NINL: variants seen among roughly 807,000 people sequenced by gnomAD.
NINL encodes the protein ninein-like protein.
Under a neutral mutation model 160.3 loss-of-function variants are expected in NINL, and 153 were observed. The ratio of observed to expected loss-of-function variants is 0.95; its 90% CI spans 0.84 to 1.09. NINL has a LOEUF of 1.09. Among genes scored for constraint, NINL ranks in the 50% least tolerant of loss-of-function variants. The probability of loss-of-function intolerance (pLI) is 0.00; values close to 1 mark genes in which losing one functional copy is unlikely to be tolerated. For synonymous variants in NINL, 800 were observed against 734.8 expected (o/e 1.09, Z -1.43); for missense variants, 1,829 against 1,764.0 (o/e 1.04, Z -0.66).
chr20:25,583,534 A>G (rs1383205856), intron 1 of NINL, among the ~76,000 whole-genome samples: 4 of 152,196 alleles, frequency 2.6e-5, no homozygotes, highest in Non-Finnish European at 4.4e-5. Context: ...TGGGAGTGTA[A>G]ATTAGTTCAA....
At chr20:25,535,547 T>A (rs1315913945) in intron 1 of NINL, among the ~76,000 whole-genome samples, 1 of 152,146 alleles carries the variant, frequency 6.6e-6, no homozygotes, top group African/African-American at 2.4e-5. Flanking sequence ...TATACCTTCA[T>A]AAACTGGGGT....
chr20:25,567,264 G>A (rs1490704662), intron 1 of NINL, among the ~76,000 whole-genome samples: 1 of 152,160 alleles, frequency 6.6e-6, no homozygotes, highest in Non-Finnish European at 1.5e-5. Flanking sequence ...AGTGGAGGAA[G>A]AACAGAATCT....
chr20:25,484,372 G>A (rs1018737841), intron 13 of NINL, among the ~76,000 whole-genome samples: 3 of 152,162 alleles, frequency 2.0e-5, no homozygotes, highest in African/African-American at 7.2e-5. Flanking sequence ...CAGGCACCCA[G>A]ATCCTGTCTC....
chr20:25,515,247 G>C (rs1006031932), intron 3 of NINL, among the ~76,000 whole-genome samples: 1 of 152,214 alleles, frequency 6.6e-6, no homozygotes, highest in African/African-American at 2.4e-5. Flanking sequence ...TGGAGTCAAA[G>C]GAAATTATTT....
intron 1 of NINL, among the ~76,000 whole-genome samples, chr20:25,579,282 T>G (rs1026038876): frequency 6.6e-6 from 1 of 152,158 alleles, no homozygotes; most frequent in African/African-American, 2.4e-5. Context: ...TCGCACTCTC[T>G]GTGTGTGAGA....
At chr20:25,537,659 G>A (rs1263232989) in intron 1 of NINL, among the ~76,000 whole-genome samples, 2 of 152,190 alleles carry the variant, frequency 1.3e-5, no homozygotes, top group East Asian at 1.9e-4. Context: ...TGTGGGTGAC[G>A]GGGATGCGTC....
intron 1 of NINL, among the ~76,000 whole-genome samples, chr20:25,577,220 T>C (rs1029362846): frequency 2.0e-5 from 3 of 152,018 alleles, no homozygotes; most frequent in African/African-American, 7.2e-5. Flanking sequence ...CCCTCTGGAG[T>C]CCCTGCTGGT....
intron 10 of NINL, among the ~76,000 whole-genome samples, chr20:25,493,547 C>T (rs2063683766): frequency 6.6e-6 from 1 of 152,206 alleles, no homozygotes; most frequent in Non-Finnish European, 1.5e-5. Flanking sequence ...ATTGTCTCCT[C>T]TGGAGATCCA....
At chr20:25,461,337 A>G (rs2062780477) in intron 21 of NINL, among the ~76,000 whole-genome samples, 185 bp downstream of exon 21, 1 of 152,180 alleles carries the variant, frequency 6.6e-6, no homozygotes, top group Non-Finnish European at 1.5e-5. Flanking sequence ...GGGCTTGCTG[A>G]CAGTCAAACC....
At chr20:25,485,545 G>C (rs995021020) in intron 13 of NINL, among the ~76,000 whole-genome samples, 1 of 152,160 alleles carries the variant, frequency 6.6e-6, no homozygotes, top group Non-Finnish European at 1.5e-5. Context: ...ATGTTGTTTA[G>C]CATCTTTATG....
In NINL at chr20:25,476,470, G is replaced by T; in HGVS notation, c.2821C>A (p.Leu941Met). Reference protein sequence around the residue: ...AGLEQPGARELPLLGTERDAS... With the variant: ...AGLEQPGAREMPLLGTERDAS... Reference sequence around the variant, plus strand: ...TCTCTCTCTGTTCCCAGCAGAGGCAGCTCCCGGGCTCCAGGCTGCTCCAGC... The same window carrying T: ...TCTCTCTCTGTTCCCAGCAGAGGCATCTCCCGGGCTCCAGGCTGCTCCAGC... Residue 941 changes from leucine (L) to methionine (M), a missense_variant, in exon 17 of 24, where the codon CTG becomes ATG. By Grantham distance (15) the Leu-to-Met change is conservative. Transcript: ENST00000278886. 1 of 1,606,572 alleles carries T rather than the reference G, an allele frequency of 6.2e-7. No individual in the cohort carries two copies.
At chr20:25,458,557 G>T in intron 21 of NINL, 28 bp from the exon 22 acceptor site, 1 of 1,545,594 alleles carries the variant, frequency 6.5e-7, no homozygotes, top group East Asian at 2.3e-5. Context: ...GACAGCTCTG[G>T]TGGGGCTGCT....
chr20:25,511,161 C>T (rs749434702), intron 4 of NINL, among the ~76,000 whole-genome samples: 9 of 152,220 alleles, frequency 5.9e-5, no homozygotes, highest in Non-Finnish European at 8.8e-5. Context: ...AGTCTCAGGA[C>T]ACGCTCGCCA....
rs1199213252 is a variant in NINL at position 25,452,810 on chromosome 20, A to G, written c.*641T>C. 2 of 127,898 alleles carry G rather than the reference A, an allele frequency of 1.6e-5. No individual in the cohort carries two copies. The highest frequency in any genetic ancestry group is 3.3e-5 in the Non-Finnish European group (2 of 60,002). 7.9% of individuals were successfully genotyped at this position (127,898 alleles called of 1,614,324 possible). On this transcript the variant is annotated 3_prime_UTR_variant, in exon 24 of 24. Coordinates refer to ENST00000278886, the MANE Select transcript of NINL (RefSeq NM_025176.6). ...GCATACATTTCAAATATAAAACTATACTTTTTTTTTTTTTTACATATAGTA... is the reference window on the plus strand; with the variant it reads ...GCATACATTTCAAATATAAAACTATGCTTTTTTTTTTTTTTACATATAGTA...
At chr20:25,519,445 T>G (rs2064223513) in intron 2 of NINL, among the ~76,000 whole-genome samples, 1 of 152,246 alleles carries the variant, frequency 6.6e-6, no homozygotes, top group Non-Finnish European at 1.5e-5. Context: ...TTAAAATACA[T>G]CTTTAGAACT....
At chr20:25,524,772 T>C (rs372202855) in intron 2 of NINL, among the ~76,000 whole-genome samples, 7 of 152,182 alleles carry the variant, frequency 4.6e-5, no homozygotes, top group African/African-American at 1.7e-4. Context: ...ACGTGGCTTA[T>C]TCAATCAGCA....
intron 17 of NINL, among the ~76,000 whole-genome samples, chr20:25,473,667 TACACACATACACACAC>T (rs1170188296): frequency 1.2e-5 from 1 of 85,756 alleles, no homozygotes; most frequent in Non-Finnish European, 2.3e-5. Flanking sequence ...GTAGTAAAAA[TACACACATACACACAC>T]ACACACACAC....
At chr20:25,472,335 A>ATATATATATG (rs1568859617) in intron 17 of NINL, among the ~76,000 whole-genome samples, 2 of 39,242 alleles carry the variant, frequency 5.1e-5, no homozygotes, top group African/African-American at 2.1e-4. Flanking sequence ...ATATATATAT[A>ATATATATATG]TATATATATA....
At chr20:25,487,560 T>C (rs2146644716) in intron 13 of NINL, among the ~76,000 whole-genome samples, 1 of 152,286 alleles carries the variant, frequency 6.6e-6, no homozygotes, top group Admixed American at 6.5e-5. Context: ...TATGCCAGGA[T>C]GTAAGAGGGG....
Sources: gnomAD v4.1 joint callset for allele counts (sites outside exome capture counted in the v4.1 genomes callset) on GRCh38, gnomAD v4.1.1 for gene constraint, MANE v1.5 for transcripts, NCBI Gene and HGNC (gene_info 2026-07-23, HGNC 2026-07-21) for gene names.